HDAC4: variants seen among roughly 807,000 people sequenced by gnomAD.
The protein encoded by HDAC4 is histone deacetylase A.
In HDAC4, 16 loss-of-function variants were observed where a neutral mutation model predicts 135.1. The ratio of observed to expected loss-of-function variants is 0.12; its 90% CI spans 0.08 to 0.18. The LOEUF (loss-of-function observed/expected upper bound fraction) is 0.18, where lower values mean the gene tolerates loss of function less well. Ranked by LOEUF, HDAC4 falls within the 10% of genes least tolerant of loss-of-function variation. The pLI is 1.00. For missense variants in HDAC4, 1,143 were observed against 1,511.8 expected, an observed-to-expected ratio of 0.76 and a Z score of 4.05; for synonymous variants, 685 against 653.4, an observed-to-expected ratio of 1.05 and a Z score of -0.74.
chr2:239,184,046 A>C (rs2044325875), intron 4 of HDAC4, among the ~76,000 whole-genome samples: 1 of 148,616 alleles, frequency 6.7e-6, no homozygotes, highest in Non-Finnish European at 1.5e-5. Flanking sequence ...AAGCACACGA[A>C]AAAGAGGCCA....
chr2:239,202,827 G>A (rs1176566592), intron 3 of HDAC4, among the ~76,000 whole-genome samples: 1 of 152,244 alleles, frequency 6.6e-6, no homozygotes, highest in Non-Finnish European at 1.5e-5. Context: ...CCAGTGATCA[G>A]GATGCCACGA....
intron 24 of HDAC4, among the ~76,000 whole-genome samples, chr2:239,056,557 C>G (rs928216465): frequency 1.3e-5 from 2 of 152,208 alleles, no homozygotes; most frequent in Admixed American, 1.3e-4. Context: ...GACAGATACA[C>G]AGGAGTTCAC....
intron 9 of HDAC4, 128 bp from the exon 10 acceptor site, chr2:239,134,771 C>T: frequency 1.3e-6 from 1 of 746,346 alleles, no homozygotes; most frequent in East Asian, 2.6e-5. Context: ...GTACATGTAA[C>T]AAATGAGACA....
In HDAC4 at chr2:239,108,392, T is replaced by C. The variant is rs146948927; in HGVS notation, c.1979-209A>G. On this transcript the variant is annotated intron_variant, in intron 14 of 26. Coordinates refer to ENST00000543185, the MANE Select transcript of HDAC4 (RefSeq NM_001378414.1). ...TGGACGAATGCAGAGGCCAGGCGGG[T>C]GGGAGGGCCTGCCTGTCACTCATGC... 6.9e-3 allele frequency among the ~76,000 whole-genome samples: 1,048 copies of C among 152,046 alleles called. 10 individuals are homozygous for C. The highest frequency in any genetic ancestry group is 0.018 in the African/African-American group (746 of 41,472).
intron 4 of HDAC4, among the ~76,000 whole-genome samples, chr2:239,183,637 C>A (rs1362615137): frequency 6.6e-6 from 1 of 152,222 alleles, no homozygotes; most frequent in Non-Finnish European, 1.5e-5. Context: ...ACGAGGTCTT[C>A]CCGTCTATTC....
intron 1 of HDAC4, among the ~76,000 whole-genome samples, chr2:239,368,660 C>T (rs2125995663): frequency 6.6e-6 from 1 of 152,252 alleles, no homozygotes; most frequent in East Asian, 1.9e-4. Context: ...GGACCGTCCT[C>T]TCCATGCCTG....
rs1394222808 is a variant in HDAC4 at position 239,245,401 on chromosome 2, G to T, written c.23-8737C>A. The stretch of plus-strand genomic sequence containing the variant: ...CCACCAGTCCCGATGTTTTGGTCTG[G>T]ATTTGAACAACTGGCTGTAAAAAGA... On this transcript the variant is annotated intron_variant, in intron 2 of 26. Coordinates refer to ENST00000543185, the MANE Select transcript of HDAC4 (RefSeq NM_001378414.1). The surrounding 1 kb of genome is among the most constrained non-coding windows in gnomAD (Gnocchi z 4.4). Among the ~76,000 whole-genome samples the T allele has an allele frequency of 1.3e-5, 2 of 152,198 alleles. No individual in the cohort carries two copies. Among genetic ancestry groups the T allele is most frequent in the African/African-American group, 2.4e-5 (1 of 41,444 alleles).
chr2:239,065,511 T>C (rs1385348491), intron 24 of HDAC4, among the ~76,000 whole-genome samples: 1 of 152,116 alleles, frequency 6.6e-6, no homozygotes, highest in Non-Finnish European at 1.5e-5. Flanking sequence ...GGGCTGAGCA[T>C]CAAATGGGGG....
intron 2 of HDAC4, among the ~76,000 whole-genome samples, chr2:239,251,293 G>A (rs2048772216): frequency 6.6e-6 from 1 of 152,196 alleles, no homozygotes; most frequent in African/African-American, 2.4e-5. Flanking sequence ...GGTGATCTGG[G>A]TAAAGATTTC....
At chr2:239,112,482 T>C (rs1177462033) in intron 13 of HDAC4, among the ~76,000 whole-genome samples, 2 of 152,122 alleles carry the variant, frequency 1.3e-5, no homozygotes, top group African/African-American at 4.8e-5. Flanking sequence ...CCCAGGACCT[T>C]TGGGGCCTAG....
rs1241066243 is a variant in HDAC4, at chr2:239,301,504, C to T, written c.22+51174G>A. On this transcript the variant is annotated intron_variant, in intron 2 of 26. Coordinates refer to ENST00000543185, the MANE Select transcript of HDAC4 (RefSeq NM_001378414.1). ...TTTTTTTTATTTTTCTCTCTTGAAA[C>T]AGGGTCTCCCCTCTGTCACCCAGGC... 3.4e-5 allele frequency among the ~76,000 whole-genome samples: 5 copies of T among 147,104 alleles called. No individual in the cohort carries two copies. In the East Asian group the frequency reaches 8.2e-4, roughly 24 times the overall value.
At chr2:239,332,151 A>C (rs929102167) in intron 2 of HDAC4, among the ~76,000 whole-genome samples, 8 of 152,256 alleles carry the variant, frequency 5.3e-5, no homozygotes, top group Non-Finnish European at 1.2e-4. Context: ...ATCCACAGTT[A>C]CATCAGGGGG....
chr2:239,071,952 T>C (rs1574909908), intron 22 of HDAC4, among the ~76,000 whole-genome samples: 2 of 152,214 alleles, frequency 1.3e-5, no homozygotes, highest in Admixed American at 6.5e-5. Context: ...TCCTCACAAA[T>C]TGATGTGGAT....
At chr2:239,370,007 TG>T (rs1161920246) in intron 1 of HDAC4, among the ~76,000 whole-genome samples, 1 of 152,176 alleles carries the variant, frequency 6.6e-6, no homozygotes, top group African/African-American at 2.4e-5. Context: ...AAAGAACAGA[TG>T]ATTGCAGCGT....
At position 239,298,462 on chromosome 2, in the gene HDAC4, C is replaced by G. The variant is rs1177873382; in HGVS notation, c.22+54216G>C. On this transcript the variant is annotated intron_variant, in intron 2 of 26. Transcript: ENST00000543185. ...CACCGTGGATACTCTAGGGTCCCAG[C>G]AACCCCAGCTATTACAATCACACTG... The G allele has an allele frequency of 2.6e-6, 3 of 1,135,384 alleles. No individual in the cohort carries two copies. In the African/African-American group the frequency reaches 4.8e-5, roughly 18 times the overall value. The allele number at this position is 1,135,384 out of a possible 1,614,324, so 70.3% of individuals were successfully genotyped here. A position where few individuals can be genotyped will look rare whatever the true frequency, so the allele number is the denominator to read the frequency against.
chr2:239,240,420 G>T lies in HDAC4; in HGVS notation c.23-3756C>A, dbSNP rs2048113210. On this transcript the variant is annotated intron_variant, in intron 2 of 26. Transcript: ENST00000543185. This position sits in a 1 kb window ranked among gnomAD's most constrained non-coding sequence, Gnocchi z 4.5. ...AAAATGAAATTAGTGATGAGAGGTG[G>T]AATTTCCATATTTATCTGCCTCTGG... Among the ~76,000 whole-genome samples the T allele has an allele frequency of 6.6e-6, 1 of 152,230 alleles. No homozygotes were observed. Among genetic ancestry groups the T allele is most frequent in the South Asian group, 2.1e-4 (1 of 4,832 alleles).
intron 12 of HDAC4, among the ~76,000 whole-genome samples, chr2:239,121,145 C>T (rs1028939913): frequency 1.1e-4 from 17 of 152,012 alleles, no homozygotes; most frequent in East Asian, 3.9e-4. Context: ...TTTGTAGAGA[C>T]GGGATTTCAC....
chr2:239,401,430 G>A (rs1575819281), upstream of HDAC4: 1 of 161,432 alleles, frequency 6.2e-6, no homozygotes, highest in Non-Finnish European at 1.3e-5. Context: ...CCAGCCGCTG[G>A]GTGCTTCGCG....
chr2:239,364,773 C>G (rs954889194), intron 1 of HDAC4, among the ~76,000 whole-genome samples: 1 of 152,242 alleles, frequency 6.6e-6, no homozygotes, highest in Non-Finnish European at 1.5e-5. Flanking sequence ...GCAGCTTGCA[C>G]GATCTTACCT....
Sources: allele counts gnomAD v4.1 joint callset (sites outside exome capture counted in the v4.1 genomes callset), GRCh38; gene constraint gnomAD v4.1.1; non-coding constraint Gnocchi (gnomAD v3.1); transcripts MANE v1.5; gene names NCBI Gene and HGNC (gene_info 2026-07-23, HGNC 2026-07-21).